The following PKP4 variants were observed in gnomAD, a reference collection of about 807,000 sequenced individuals.
PKP4 encodes plakophilin 4.
PKP4 carries 90 observed loss-of-function variants against 145.1 expected under a neutral mutation model. The observed-to-expected ratio is 0.62, with a 90% confidence interval of 0.52 to 0.74. The LOEUF (loss-of-function observed/expected upper bound fraction) is 0.74, where lower values mean the gene tolerates loss of function less well. Among genes scored for constraint, PKP4 ranks in the 30% least tolerant of loss-of-function variants. The pLI is 0.00. For missense variants in PKP4, 1,340 were observed against 1,482.7 expected, an observed-to-expected ratio of 0.90 and a Z score of 1.58; for synonymous variants, 563 against 577.2, an observed-to-expected ratio of 0.98 and a Z score of 0.35.
At chr2:158,601,557 A>G (rs1016179409) in intron 3 of PKP4, among the ~76,000 whole-genome samples, 4 of 152,216 alleles carry the variant, frequency 2.6e-5, no homozygotes, top group Admixed American at 6.5e-5. Flanking sequence ...CATTACTGAT[A>G]TTTGACCAAG....
At chr2:158,597,984 C>T (rs201904417) in intron 3 of PKP4, among the ~76,000 whole-genome samples, 1 of 70,014 alleles carries the variant, frequency 1.4e-5, no homozygotes, top group African/African-American at 3.5e-5. Flanking sequence ...CCATGCCCGG[C>T]AATTTTTTTT....
At chr2:158,596,932 T>TTCC (rs1215266871) in intron 3 of PKP4, among the ~76,000 whole-genome samples, 1 of 152,246 alleles carries the variant, frequency 6.6e-6, no homozygotes, top group Admixed American at 6.5e-5. Flanking sequence ...CATGTTCAGA[T>TTCC]TCCTACCTGG....
chr2:158,629,296 G>A (rs899457096), intron 7 of PKP4, among the ~76,000 whole-genome samples: 1 of 152,154 alleles, frequency 6.6e-6, no homozygotes, highest in Non-Finnish European at 1.5e-5. Flanking sequence ...GTTGCTCCAT[G>A]AGGGATAGCT....
intron 4 of PKP4, among the ~76,000 whole-genome samples, chr2:158,607,525 G>A (rs974449618): frequency 6.6e-6 from 1 of 152,140 alleles, no homozygotes; most frequent in East Asian, 1.9e-4. Flanking sequence ...AGAGGCAAAG[G>A]GGTAGGTAGA....
chr2:158,643,902 A>T lies in PKP4; in HGVS notation c.1909+1203A>T, dbSNP rs189671072. Among the ~76,000 whole-genome samples the T allele has an allele frequency of 1.3e-5, 2 of 152,040 alleles. 1 individual carries two copies. The highest frequency in any genetic ancestry group is 3.9e-4 in the East Asian group (2 of 5,154). On this transcript the variant is annotated intron_variant, in intron 11 of 21. Coordinates refer to ENST00000389759, the MANE Select transcript of PKP4 (RefSeq NM_003628.6). ...CGCCTCAGCCTCCTGAGTAACTGGG[A>T]TTACACACACGCGCCACCAAACCCA...
intron 6 of PKP4, among the ~76,000 whole-genome samples, chr2:158,623,905 C>A (rs1261357232): frequency 6.6e-6 from 1 of 152,186 alleles, no homozygotes; most frequent in Non-Finnish European, 1.5e-5. Context: ...TTCCCTTGGG[C>A]CCCTTCTCCA....
intron 2 of PKP4, among the ~76,000 whole-genome samples, chr2:158,553,326 A>T (rs968778652): frequency 2.6e-5 from 4 of 152,216 alleles, no homozygotes; most frequent in African/African-American, 9.6e-5. Context: ...AGTGCTGAAG[A>T]TATCAGGCAT....
chr2:158,523,672 T>A (rs2042656701), intron 1 of PKP4, among the ~76,000 whole-genome samples: 1 of 133,144 alleles, frequency 7.5e-6, no homozygotes, highest in Non-Finnish European at 1.6e-5. Flanking sequence ...TTTCAGACGA[T>A]CAAATTACTC....
At chr2:158,623,907 C>T (rs747641021) in intron 6 of PKP4, among the ~76,000 whole-genome samples, 1 of 152,184 alleles carries the variant, frequency 6.6e-6, no homozygotes, top group Non-Finnish European at 1.5e-5. Flanking sequence ...CCCTTGGGCC[C>T]CTTCTCCAGC....
At chr2:158,623,167 T>G (rs552892782) in intron 6 of PKP4, among the ~76,000 whole-genome samples, 6 of 152,276 alleles carry the variant, frequency 3.9e-5, no homozygotes, top group South Asian at 4.1e-4. Flanking sequence ...TCATGCTTTT[T>G]TTGTTGTTGT....
chr2:158,625,583 C>CTTATATTTCA (rs1460750294), intron 7 of PKP4, among the ~76,000 whole-genome samples, 156 bp downstream of exon 7: 6 of 152,176 alleles, frequency 3.9e-5, no homozygotes, highest in Admixed American at 3.9e-4. Context: ...CTTTCAGGTT[C>CTTATATTTCA]TGTAATTCTT....
At chr2:158,481,189 G>A (rs942139653) in intron 1 of PKP4, among the ~76,000 whole-genome samples, 1 of 152,026 alleles carries the variant, frequency 6.6e-6, no homozygotes, top group African/African-American at 2.4e-5. Context: ...CTTCCAAAGT[G>A]CTGTGATTAC....
intron 2 of PKP4, among the ~76,000 whole-genome samples, chr2:158,569,789 C>G (rs1181360086): frequency 1.3e-5 from 2 of 152,096 alleles, no homozygotes; most frequent in Non-Finnish European, 2.9e-5. Flanking sequence ...CAAAGGTAAT[C>G]TGACTTCCTA....
At chr2:158,467,867 AAG>A (rs1250883894) in intron 1 of PKP4, among the ~76,000 whole-genome samples, 18 of 152,226 alleles carry the variant, frequency 1.2e-4, no homozygotes, top group African/African-American at 4.1e-4. Flanking sequence ...AAAATAAAAA[AAG>A]AATATTATAT....
At chr2:158,474,769 C>T (rs531516148) in intron 1 of PKP4, among the ~76,000 whole-genome samples, 32 of 152,202 alleles carry the variant, frequency 2.1e-4, no homozygotes, top group South Asian at 1.5e-3. Flanking sequence ...TCCCCAGCCC[C>T]GCACTCAGTG....
At chr2:158,647,200 A>G (rs1429128764) in intron 11 of PKP4, among the ~76,000 whole-genome samples, 2 of 152,224 alleles carry the variant, frequency 1.3e-5, no homozygotes, top group Non-Finnish European at 2.9e-5. Context: ...TATCATTCAC[A>G]AATACCATGG....
rs181851771 is a variant in PKP4 at position 158,636,097 on chromosome 2, A to G, written c.1562+1808A>G. Among the ~76,000 whole-genome samples the G allele has an allele frequency of 1.3e-3, 191 of 152,246 alleles. 1 individual carries two copies. Among genetic ancestry groups the G allele is most frequent in the African/African-American group, 4.4e-3 (181 of 41,572 alleles). On this transcript the variant is annotated intron_variant, in intron 9 of 21. Coordinates refer to ENST00000389759, the MANE Select transcript of PKP4 (RefSeq NM_003628.6). Reference sequence around the variant, plus strand: ...GAAACCATATTTATTAATAACATCAATGATGCTTCTGAAAGGAGTAACGTA... The same window carrying G: ...GAAACCATATTTATTAATAACATCAGTGATGCTTCTGAAAGGAGTAACGTA...
Position 158,680,674 on chromosome 2 carries a change from G to GT in PKP4, c.3577dup (p.Ter1193LeufsTer26). 1 of 1,605,376 alleles carries GT rather than the reference G, an allele frequency of 6.2e-7. No individual in the cohort carries two copies. Among genetic ancestry groups the GT allele is most frequent in the Non-Finnish European group, 8.5e-7 (1 of 1,176,668 alleles). Reference sequence around the variant, plus strand: ...ACCCAGGGTCCCCAGACTCATGGGTGTAGCATCAAGATGCCCAACAGAGGA... The same window carrying GT: ...ACCCAGGGTCCCCAGACTCATGGGTGTTAGCATCAAGATGCCCAACAGAGGA... On this transcript the variant is annotated frameshift_variant, in exon 22 of 22. Transcript: ENST00000389759. LOFTEE classifies it high-confidence loss of function.
intron 2 of PKP4, 186 bp downstream of exon 2, chr2:158,533,502 A>T: frequency 1.4e-6 from 1 of 695,668 alleles, no homozygotes; most frequent in Non-Finnish European, 2.6e-6. Flanking sequence ...GCCAGTCAGA[A>T]TCGGAACATG....
Sources: gnomAD v4.1 joint callset for allele counts (sites outside exome capture counted in the v4.1 genomes callset) on GRCh38, gnomAD v4.1.1 for gene constraint, MANE v1.5 for transcripts, NCBI Gene and HGNC (gene_info 2026-07-23, HGNC 2026-07-21) for gene names.